The following RSRC1 variants were observed in gnomAD, a reference collection of about 807,000 sequenced individuals.
RSRC1 encodes the protein serine/Arginine-related protein 53.
A neutral mutation model predicts 49.1 loss-of-function variants in RSRC1; 39 were observed. The ratio of observed to expected loss-of-function variants is 0.79; its 90% CI spans 0.61 to 1.04. The LOEUF (loss-of-function observed/expected upper bound fraction) is 1.04. Ranked by LOEUF, RSRC1 falls within the 50% of genes least tolerant of loss-of-function variation. The pLI is 0.00. For missense variants in RSRC1, 388 were observed against 402.4 expected (o/e 0.96, Z 0.31); for synonymous variants, 143 against 130.8 (o/e 1.09, Z -0.63).
At chr3:158,194,532 A>G (rs1578183652) in intron 3 of RSRC1, among the ~76,000 whole-genome samples, 1 of 141,242 alleles carries the variant, frequency 7.1e-6, no homozygotes, top group Non-Finnish European at 1.5e-5. Context: ...GTTTTAGGGT[A>G]TATGTGCACA....
chr3:158,211,840 T>C (rs1272839870), intron 4 of RSRC1, among the ~76,000 whole-genome samples: 1 of 151,960 alleles, frequency 6.6e-6, no homozygotes, highest in Non-Finnish European at 1.5e-5. Flanking sequence ...TATTTTTTAT[T>C]GATAAAACAG....
intron 4 of RSRC1, among the ~76,000 whole-genome samples, chr3:158,252,328 A>AT (rs1198243659): frequency 1.7e-5 from 2 of 117,174 alleles, no homozygotes; most frequent in Non-Finnish European, 1.8e-5. Flanking sequence ...CGCCCGGCTA[A>AT]TTTTTTGTAT....
chr3:158,455,873 G>A (rs763611391), intron 6 of RSRC1, among the ~76,000 whole-genome samples: 2 of 149,994 alleles, frequency 1.3e-5, no homozygotes, highest in African/African-American at 2.4e-5. Flanking sequence ...CCAGCTACTC[G>A]AGAGGCTGAG....
chr3:158,318,120 G>A (rs1730008), intron 5 of RSRC1, among the ~76,000 whole-genome samples: 105,803 of 151,714 alleles, frequency 0.7, 37,342 homozygotes, highest in East Asian at 0.85. Flanking sequence ...GTGGCCCAAG[G>A]CAATTCTTCT....
At chr3:158,203,314 G>A in intron 4 of RSRC1, 69 bp downstream of exon 4, 2 of 1,469,450 alleles carry the variant, frequency 1.4e-6, no homozygotes, top group East Asian at 5.0e-5. Flanking sequence ...CTAAATTTTT[G>A]TTCTCTGAGG....
chr3:158,262,583 G>T (rs1368694015), intron 4 of RSRC1, among the ~76,000 whole-genome samples: 1 of 151,962 alleles, frequency 6.6e-6, no homozygotes, highest in East Asian at 1.9e-4. Flanking sequence ...TAATCATCTT[G>T]TCAGTTCTAT....
chr3:158,246,346 A>T (rs2108004076), intron 4 of RSRC1, among the ~76,000 whole-genome samples: 1 of 152,068 alleles, frequency 6.6e-6, no homozygotes, highest in East Asian at 1.9e-4. Flanking sequence ...ATGTATACAT[A>T]TGTAACAAAC....
chr3:158,366,799 A>G (rs1731793785), intron 6 of RSRC1, among the ~76,000 whole-genome samples: 1 of 151,990 alleles, frequency 6.6e-6, no homozygotes, highest in South Asian at 2.1e-4. Context: ...TTTTTTTCCC[A>G]TTGGTTTGTG....
chr3:158,233,205 A>G (rs1465146634), intron 4 of RSRC1, among the ~76,000 whole-genome samples: 1 of 152,172 alleles, frequency 6.6e-6, no homozygotes, highest in Non-Finnish European at 1.5e-5. Flanking sequence ...GAGTAGACTC[A>G]GATATTCCCA....
At chr3:158,177,701 G>A (rs150046822) in intron 3 of RSRC1, among the ~76,000 whole-genome samples, 284 of 152,266 alleles carry the variant, frequency 1.9e-3, no homozygotes, top group Non-Finnish European at 3.2e-3. Context: ...TAAATGACGA[G>A]TTGATGGGTG....
intron 7 of RSRC1, among the ~76,000 whole-genome samples, chr3:158,494,926 T>C (rs1436260223): frequency 3.3e-5 from 5 of 152,184 alleles, no homozygotes; most frequent in Non-Finnish European, 7.3e-5. Flanking sequence ...GCTGTTATGA[T>C]AAAAAATATA....
At chr3:158,379,475 C>T (rs1732575095) in intron 6 of RSRC1, among the ~76,000 whole-genome samples, 1 of 152,098 alleles carries the variant, frequency 6.6e-6, no homozygotes, top group Admixed American at 6.5e-5. Context: ...GCTGGGATTA[C>T]AGGCATGAGC....
chr3:158,363,790 C>G (rs1313167544), intron 6 of RSRC1, among the ~76,000 whole-genome samples: 1 of 152,104 alleles, frequency 6.6e-6, no homozygotes, highest in Admixed American at 6.5e-5. Context: ...AGTTATTTTC[C>G]TTGACTATGT....
At chr3:158,196,813 G>T (rs1181253697) in intron 3 of RSRC1, among the ~76,000 whole-genome samples, 1 of 152,148 alleles carries the variant, frequency 6.6e-6, no homozygotes, top group African/African-American at 2.4e-5. Context: ...TTATTGATTT[G>T]TGTATGTTGA....
chr3:158,203,797 GATTTT>G (rs1721205859), intron 4 of RSRC1, among the ~76,000 whole-genome samples: 1 of 152,092 alleles, frequency 6.6e-6, no homozygotes, highest in Admixed American at 6.5e-5. Flanking sequence ...ATGAGGTCCA[GATTTT>G]ATTTTTCATA....
intron 4 of RSRC1, among the ~76,000 whole-genome samples, chr3:158,290,274 G>GTGTTT (rs1288793753): frequency 6.6e-6 from 1 of 151,794 alleles, no homozygotes; most frequent in Admixed American, 6.6e-5. Flanking sequence ...TTTTTTTGTT[G>GTGTTT]TGTTTTGTTT....
At chr3:158,331,139 A>G (rs1376491471) in intron 5 of RSRC1, among the ~76,000 whole-genome samples, 1 of 152,200 alleles carries the variant, frequency 6.6e-6, no homozygotes, top group African/African-American at 2.4e-5. Flanking sequence ...GGGAATTATG[A>G]GAGCTACAAT....
chr3:158,170,216 T>C (rs898817974), intron 3 of RSRC1, among the ~76,000 whole-genome samples: 1 of 152,152 alleles, frequency 6.6e-6, no homozygotes, highest in Non-Finnish European at 1.5e-5. Context: ...GAGGCAGCTG[T>C]TGCAAAACTT....
At chr3:158,146,620 G>C (rs988082962) in intron 3 of RSRC1, among the ~76,000 whole-genome samples, 1 of 152,126 alleles carries the variant, frequency 6.6e-6, no homozygotes, top group Non-Finnish European at 1.5e-5. Context: ...CCAGGCTTTG[G>C]TATCAGGATG....
Sources: allele counts gnomAD v4.1 joint callset (sites outside exome capture counted in the v4.1 genomes callset), GRCh38; gene constraint gnomAD v4.1.1; transcripts MANE v1.5; gene names NCBI Gene and HGNC (gene_info 2026-07-23, HGNC 2026-07-21).